The following GALNTL6 variants were observed in gnomAD, a reference collection of about 807,000 sequenced individuals.
The protein encoded by GALNTL6 is polypeptide N-acetylgalactosaminyltransferase-like 6.
Under a neutral mutation model 73.7 loss-of-function variants are expected in GALNTL6, and 46 were observed. That is an observed-to-expected ratio of 0.62 (90% CI 0.49 to 0.80). The LOEUF (loss-of-function observed/expected upper bound fraction) is 0.80. GALNTL6 is among the 30% of genes least tolerant of loss of function. GALNTL6 has a pLI of 0.00. For synonymous variants in GALNTL6, 259 were observed against 263.7 expected (o/e 0.98, Z 0.17); for missense variants, 604 against 755.0 (o/e 0.80, Z 2.34).
chr4:172,174,946 A>T (rs991009711), intron 2 of GALNTL6, among the ~76,000 whole-genome samples: 5 of 152,240 alleles, frequency 3.3e-5, no homozygotes, highest in African/African-American at 9.6e-5. Flanking sequence ...ACATACACAG[A>T]TACTGCATAT....
At chr4:172,896,390 G>T (rs1363183378) in intron 8 of GALNTL6, among the ~76,000 whole-genome samples, 2 of 152,162 alleles carry the variant, frequency 1.3e-5, no homozygotes, top group Non-Finnish European at 2.9e-5. Context: ...GTCTTTAAAG[G>T]ACTCTCAGGT....
At chr4:171,931,577 C>A (rs78271646) in intron 2 of GALNTL6, among the ~76,000 whole-genome samples, 7 of 152,054 alleles carry the variant, frequency 4.6e-5, no homozygotes, top group African/African-American at 1.7e-4. Context: ...CAACTATTAA[C>A]GACTAAAAGT....
chr4:172,055,729 A>T (rs1532856), intron 2 of GALNTL6, among the ~76,000 whole-genome samples: 7 of 151,940 alleles, frequency 4.6e-5, no homozygotes, highest in Non-Finnish European at 7.4e-5. Context: ...CACATGACAA[A>T]GTAATAACAC....
chr4:172,928,285 A>G (rs528278481), intron 8 of GALNTL6, among the ~76,000 whole-genome samples: 1 of 152,336 alleles, frequency 6.6e-6, no homozygotes, highest in Admixed American at 6.5e-5. Context: ...TTAGACTACT[A>G]GGTTTTCAAA....
At chr4:172,059,470 A>G (rs763329679) in intron 2 of GALNTL6, among the ~76,000 whole-genome samples, 3 of 152,184 alleles carry the variant, frequency 2.0e-5, no homozygotes, top group East Asian at 1.9e-4. Flanking sequence ...CTAATTGTCA[A>G]TTTGGAAGAA....
At chr4:172,328,868 G>T (rs1365541369) in intron 4 of GALNTL6, among the ~76,000 whole-genome samples, 1 of 152,092 alleles carries the variant, frequency 6.6e-6, no homozygotes, top group Non-Finnish European at 1.5e-5. Flanking sequence ...TGTCATTTCA[G>T]CCAACTCATC....
At chr4:171,947,986 T>A (rs934065054) in intron 2 of GALNTL6, among the ~76,000 whole-genome samples, 1 of 152,242 alleles carries the variant, frequency 6.6e-6, no homozygotes, top group African/African-American at 2.4e-5. Context: ...TATTTTCACA[T>A]AGCACCTTTT....
At chr4:171,929,733 A>T (rs1405638734) in intron 2 of GALNTL6, among the ~76,000 whole-genome samples, 1 of 152,110 alleles carries the variant, frequency 6.6e-6, no homozygotes, top group East Asian at 1.9e-4. Context: ...ATTCACACGC[A>T]CCCACCCCTG....
intron 10 of GALNTL6, among the ~76,000 whole-genome samples, chr4:173,006,612 A>G (rs1428538056): frequency 6.6e-6 from 1 of 152,196 alleles, no homozygotes; most frequent in African/African-American, 2.4e-5. Flanking sequence ...ATTTCAAGGA[A>G]GGTGTAGTAA....
At chr4:172,346,787 T>C (rs1478995474) in intron 4 of GALNTL6, among the ~76,000 whole-genome samples, 1 of 152,134 alleles carries the variant, frequency 6.6e-6, no homozygotes, top group African/African-American at 2.4e-5. Flanking sequence ...TGGATCCTTT[T>C]ATATTTCATG....
At chr4:172,526,012 C>T (rs538043201) in intron 5 of GALNTL6, among the ~76,000 whole-genome samples, 28 of 152,116 alleles carry the variant, frequency 1.8e-4, no homozygotes, top group Admixed American at 1.2e-3. Flanking sequence ...TCACACTGCC[C>T]AGGATCTCTA....
intron 5 of GALNTL6, among the ~76,000 whole-genome samples, chr4:172,576,668 T>C (rs1736968056): frequency 6.6e-6 from 1 of 152,164 alleles, no homozygotes; most frequent in African/African-American, 2.4e-5. Flanking sequence ...ATATAGTATA[T>C]ACATAAAGCA....
rs112411637 is a variant in GALNTL6 at position 172,485,154 on chromosome 4, C to T, written c.553+136465C>T. ...GTATCTTAATTTGTTCTACTTAAAACAATGAGGATAACTTTAGATTACCGT... is the reference window on the plus strand; with the variant it reads ...GTATCTTAATTTGTTCTACTTAAAATAATGAGGATAACTTTAGATTACCGT... On this transcript the variant is annotated intron_variant, in intron 5 of 12. Transcript: ENST00000506823. 3.1e-3 allele frequency among the ~76,000 whole-genome samples: 466 copies of T among 152,128 alleles called. 2 individuals carry two copies. Among genetic ancestry groups the T allele is most frequent in the African/African-American group, 0.01 (432 of 41,532 alleles).
chr4:172,200,173 T>C (rs896384745), intron 2 of GALNTL6, among the ~76,000 whole-genome samples: 1 of 152,214 alleles, frequency 6.6e-6, no homozygotes, highest in African/African-American at 2.4e-5. Context: ...ATAGGTTTAA[T>C]GGAAAGTCTG....
chr4:172,546,541 GAGTAGCCA>G (rs2110887843), intron 5 of GALNTL6, among the ~76,000 whole-genome samples: 1 of 151,140 alleles, frequency 6.6e-6, no homozygotes, highest in South Asian at 2.1e-4. Context: ...CTGGGACTTA[GAGTAGCCA>G]TGATTGTTTC....
At chr4:172,723,225 A>G (rs1003760554) in intron 5 of GALNTL6, among the ~76,000 whole-genome samples, 1 of 152,202 alleles carries the variant, frequency 6.6e-6, no homozygotes, top group African/African-American at 2.4e-5. Context: ...TAATTTTAAT[A>G]CTGTAAAGTA....
At chr4:172,646,306 AT>A (rs982774124) in intron 5 of GALNTL6, among the ~76,000 whole-genome samples, 1 of 152,022 alleles carries the variant, frequency 6.6e-6, no homozygotes, top group African/African-American at 2.4e-5. Context: ...ATTAATCAGC[AT>A]TTTAACAATA....
intron 7 of GALNTL6, among the ~76,000 whole-genome samples, chr4:172,823,779 G>A (rs1220318078): frequency 6.6e-6 from 1 of 152,136 alleles, no homozygotes; most frequent in Admixed American, 6.5e-5. Flanking sequence ...AAAATAGAAG[G>A]CATTCCTGAA....
chr4:172,150,403 T>G (rs1734047877), intron 2 of GALNTL6, among the ~76,000 whole-genome samples: 1 of 152,210 alleles, frequency 6.6e-6, no homozygotes, highest in South Asian at 2.1e-4. Flanking sequence ...GAAAAGATTT[T>G]AGAAACAAAT....
Sources: gnomAD v4.1 joint callset for allele counts (sites outside exome capture counted in the v4.1 genomes callset) on GRCh38, gnomAD v4.1.1 for gene constraint, MANE v1.5 for transcripts, NCBI Gene and HGNC (gene_info 2026-07-23, HGNC 2026-07-21) for gene names.